The following RP1 variants were observed in gnomAD, a reference collection of about 807,000 sequenced individuals.
The protein encoded by RP1 is oxygen-regulated protein 1.
RP1 carries 16 observed loss-of-function variants against 14.8 expected under a neutral mutation model. That is an observed-to-expected ratio of 1.08 (90% CI 0.73 to 1.65). The LOEUF is 1.65. Ranked by LOEUF, RP1 falls within the 40% of genes most tolerant of loss-of-function variation. The pLI, the probability that RP1 is intolerant of heterozygous loss-of-function variation, is 0.00. For synonymous variants in RP1, 876 were observed against 883.6 expected (o/e 0.99, Z 0.15); for missense variants, 2,631 against 2,535.0 (o/e 1.04, Z -0.81).
chr8:54,822,477 A>G (rs1463710785), intron 24 of RP1, among the ~76,000 whole-genome samples: 1 of 152,254 alleles, frequency 6.6e-6, no homozygotes, highest in African/African-American at 2.4e-5. Flanking sequence ...GGTAAATTCC[A>G]TCTCTTCTAC....
intron 23 of RP1, among the ~76,000 whole-genome samples, chr8:54,779,760 G>A (rs977031392): frequency 1.3e-5 from 2 of 152,068 alleles, no homozygotes; most frequent in Non-Finnish European, 2.9e-5. Flanking sequence ...CCTCTACCAG[G>A]GATACATGAA....
At chr8:54,713,682 G>C (rs1435724734) in intron 15 of RP1, among the ~76,000 whole-genome samples, 1 of 152,134 alleles carries the variant, frequency 6.6e-6, no homozygotes, top group Non-Finnish European at 1.5e-5. Context: ...GATGAAGTTA[G>C]GTTTACACGG....
intron 9 of RP1, chr8:54,679,320 C>T (rs951609393): frequency 3.7e-6 from 4 of 1,070,842 alleles, no homozygotes; most frequent in Admixed American, 2.1e-5. Flanking sequence ...ACGTCTTTTC[C>T]CTTTCCTGCT....
In RP1 at chr8:54,627,933, A is replaced by G. The variant is rs751098849; in HGVS notation, c.4051A>G (p.Thr1351Ala). 1 of 1,614,162 alleles carries G rather than the reference A, an allele frequency of 6.2e-7. No individual in the cohort carries two copies. Among genetic ancestry groups the G allele is most frequent in the Non-Finnish European group, 8.5e-7 (1 of 1,179,972 alleles). ...TGACTTTTTAAACTCCAAAGAAAACACATATACTGATAACTTGGATTCAAC... is the reference window on the plus strand; with the variant it reads ...TGACTTTTTAAACTCCAAAGAAAACGCATATACTGATAACTTGGATTCAAC... ...TIDFLNSKENTYTDNLDSTEE... is the reference protein window; with the variant it reads ...TIDFLNSKENAYTDNLDSTEE... Residue 1351 changes from threonine to alanine, a missense_variant, in exon 4 of 4, where the codon ACA (threonine) becomes GCA (alanine). Physicochemically the swap from Thr to Ala is moderately conservative, Grantham distance 58. Coordinates refer to ENST00000220676, the MANE Select transcript of RP1 (RefSeq NM_006269.2).
At chr8:54,769,964 A>G in exon 23 of RP1, 1 of 568,764 alleles carries the variant, frequency 1.8e-6, no homozygotes, top group Non-Finnish European at 3.0e-6. Flanking sequence ...AAACATATGT[A>G]AAGCTGTGTC....
At chr8:54,646,301 CT>C (rs1806549116) in intron 3 of RP1, among the ~76,000 whole-genome samples, 1 of 151,854 alleles carries the variant, frequency 6.6e-6, no homozygotes, top group Admixed American at 6.6e-5. Flanking sequence ...TCTCCTCCCC[CT>C]CCCCCTCTTT....
intron 16 of RP1, among the ~76,000 whole-genome samples, chr8:54,724,171 T>C (rs1339731258): frequency 1.3e-5 from 2 of 152,228 alleles, no homozygotes; most frequent in Non-Finnish European, 2.9e-5. Flanking sequence ...ATCCAATTCA[T>C]AAAATTCTGA....
At chr8:54,852,575 G>T (rs1201055235) in exon 26 of RP1, 3 of 1,231,040 alleles carry the variant, frequency 2.4e-6, no homozygotes, top group Non-Finnish European at 3.0e-6. Context: ...ACATTTCAGT[G>T]GTGCTTTATG....
intron 1 of RP1, among the ~76,000 whole-genome samples, chr8:54,595,124 C>T (rs975297412): frequency 6.6e-6 from 1 of 151,452 alleles, no homozygotes; most frequent in African/African-American, 2.4e-5. Context: ...AAGAAGGATC[C>T]TCCAAACATT....
intron 7 of RP1, among the ~76,000 whole-genome samples, chr8:54,670,696 T>TATAA (rs1185895281): frequency 7.3e-6 from 1 of 137,902 alleles, no homozygotes; most frequent in Non-Finnish European, 1.5e-5. Flanking sequence ...TATATATATA[T>TATAA]ATATATATAT....
intron 23 of RP1, among the ~76,000 whole-genome samples, chr8:54,782,247 G>A (rs908126540): frequency 2.0e-5 from 3 of 152,146 alleles, no homozygotes; most frequent in Non-Finnish European, 4.4e-5. Context: ...ACCCTTTTGA[G>A]TTCTGCTGCC....
rs761905687 is a variant in RP1, at chr8:54,625,020, T to A, written c.1138T>A (p.Leu380Ile). Reference protein sequence around the residue: ...PGRTESRSSGLKLAACSFSAD... With the variant: ...PGRTESRSSGIKLAACSFSAD... Reference sequence around the variant, plus strand: ...AAGAACAGAAAGTCGATCATCTGGTTTAAAGCTTGCAGCATGTTCATTCTC... The same window carrying A: ...AAGAACAGAAAGTCGATCATCTGGTATAAAGCTTGCAGCATGTTCATTCTC... The change falls in exon 4 of 4, where the codon TTA becomes ATA. Residue 380 changes from leucine (L) to isoleucine (I), a missense_variant. Coordinates refer to ENST00000220676, the MANE Select transcript of RP1 (RefSeq NM_006269.2). 3 of 1,614,186 alleles carry A rather than the reference T, an allele frequency of 1.9e-6. No individual in the cohort carries two copies. In the East Asian group the frequency reaches 6.7e-5, roughly 36 times the overall value.
intron 19 of RP1, among the ~76,000 whole-genome samples, chr8:54,746,146 C>T (rs1809219315): frequency 6.6e-6 from 1 of 152,180 alleles, no homozygotes; most frequent in Non-Finnish European, 1.5e-5. Flanking sequence ...TTGTGATAAA[C>T]AATGCAAGCA....
intron 24 of RP1, among the ~76,000 whole-genome samples, chr8:54,823,302 T>G (rs1024166622): frequency 1.2e-4 from 18 of 152,318 alleles, no homozygotes; most frequent in Middle Eastern, 3.4e-3. Context: ...ATGTAGCATG[T>G]GACCTTTTGA....
intron 1 of RP1, among the ~76,000 whole-genome samples, chr8:54,616,981 TAAAAA>T (rs1554518912): frequency 6.6e-6 from 1 of 152,162 alleles, no homozygotes; most frequent in Non-Finnish European, 1.5e-5. Context: ...CTAAGGGTGT[TAAAAA>T]ATCTGCTTAA....
At chr8:54,615,392 T>C (rs1220957825), upstream of RP1, among the ~76,000 whole-genome samples, 3 of 152,170 alleles carry the variant, frequency 2.0e-5, no homozygotes, top group African/African-American at 4.8e-5. Flanking sequence ...GGAAGCCCCG[T>C]AGGAAACCCG....
chr8:54,838,416 C>A (rs566825168), intron 25 of RP1, among the ~76,000 whole-genome samples: 2 of 151,938 alleles, frequency 1.3e-5, no homozygotes, highest in African/African-American at 4.8e-5. Flanking sequence ...CCTCTTTGTT[C>A]GGAATGAAAT....
chr8:54,567,247 C>T (rs1586387373), intron 1 of RP1, among the ~76,000 whole-genome samples: 1 of 152,162 alleles, frequency 6.6e-6, no homozygotes, highest in South Asian at 2.1e-4. Context: ...GTCTCTCAGT[C>T]GCGGAATGTG....
At chr8:54,732,143 G>A (rs562692159) in intron 17 of RP1, among the ~76,000 whole-genome samples, 1 of 152,278 alleles carries the variant, frequency 6.6e-6, no homozygotes, top group South Asian at 2.1e-4. Context: ...GCCTGCTGCT[G>A]CAAGCCATGC....
Sources: gnomAD v4.1 joint callset for allele counts (sites outside exome capture counted in the v4.1 genomes callset) on GRCh38, gnomAD v4.1.1 for gene constraint, MANE v1.5 for transcripts, NCBI Gene and HGNC (gene_info 2026-07-23, HGNC 2026-07-21) for gene names.